The following CASK variants were observed in gnomAD, a reference collection of about 807,000 sequenced individuals.
CASK encodes the protein peripheral plasma membrane protein CASK.
In CASK, 4 loss-of-function variants were observed where a neutral mutation model predicts 82.9. That is an observed-to-expected ratio of 0.05 (90% CI 0.02 to 0.11). CASK has a LOEUF of 0.11. Ranked by LOEUF, CASK falls within the 10% of genes least tolerant of loss-of-function variation. The pLI, the probability that CASK is intolerant of heterozygous loss-of-function variation, is 1.00. For missense variants in CASK, 358 were observed against 720.9 expected, an observed-to-expected ratio of 0.50 and a Z score of 5.76; for synonymous variants, 259 against 253.5, an observed-to-expected ratio of 1.02 and a Z score of -0.20.
intron 4 of CASK, among the ~76,000 whole-genome samples, chrX:41,742,353 C>G (rs899027191): frequency 2.7e-5 from 3 of 111,708 alleles, no homozygotes; most frequent in African/African-American, 9.8e-5. Flanking sequence ...CTTCCCTTCT[C>G]TGCTTCACTT....
intron 1 of CASK, among the ~76,000 whole-genome samples, chrX:41,893,578 G>A (rs1325956969): frequency 1.8e-5 from 2 of 111,574 alleles, no homozygotes; most frequent in African/African-American, 6.5e-5. Context: ...GGCTGACTGT[G>A]AGGCCCTACA....
At chrX:41,639,656 A>G (rs780521700) in intron 8 of CASK, among the ~76,000 whole-genome samples, 2 of 111,688 alleles carry the variant, frequency 1.8e-5, no homozygotes, top group East Asian at 2.8e-4. Flanking sequence ...AAGTTTTGAC[A>G]TATATTTACA....
At chrX:41,797,538 A>C (rs991940368) in intron 2 of CASK, among the ~76,000 whole-genome samples, 1 of 111,448 alleles carries the variant, frequency 9.0e-6, no homozygotes, top group African/African-American at 3.3e-5. Context: ...GGACCCATTT[A>C]CCCAACTTAG....
At chrX:41,748,059 T>A (rs2068722824) in intron 3 of CASK, among the ~76,000 whole-genome samples, 1 of 112,183 alleles carries the variant, frequency 8.9e-6, no homozygotes, top group South Asian at 3.7e-4. Flanking sequence ...GAATCAGTTT[T>A]GCTTAGGCGT....
chrX:41,754,767 TAAC>T (rs1350905117), intron 3 of CASK, among the ~76,000 whole-genome samples: 2 of 110,515 alleles, frequency 1.8e-5, no homozygotes. Flanking sequence ...TCACCAAAAT[TAAC>T]AAAAAGAATT....
In CASK at chrX:41,692,755, G is replaced by A. The variant is rs183074711; in HGVS notation, c.430-21225C>T. On this transcript the variant is annotated intron_variant, in intron 5 of 26. Coordinates refer to ENST00000378163, the MANE Select transcript of CASK (RefSeq NM_001367721.1). ...ATTCCAGGTGAGACCCTACCAGCCT[G>A]GGACAGAAGCAGCATAGTAGTAACA... Among the ~76,000 whole-genome samples, 142 of 112,014 alleles carry A rather than the reference G, an allele frequency of 1.3e-3. 2 individuals carry two copies. The highest frequency in any genetic ancestry group is 4.5e-3 in the African/African-American group (138 of 30,794).
chrX:41,642,193 C>G (rs189547674), intron 8 of CASK, among the ~76,000 whole-genome samples: 12,560 of 110,827 alleles, frequency 0.11, 685 homozygotes, highest in Middle Eastern at 0.18. Context: ...GTGAATAGTG[C>G]TGTAATAAAC....
chrX:41,679,413 C>G (rs753638292), intron 5 of CASK, among the ~76,000 whole-genome samples: 12 of 112,149 alleles, frequency 1.1e-4, no homozygotes, highest in African/African-American at 3.9e-4. Flanking sequence ...TCAGCATGTT[C>G]TGAGATTCAT....
intron 1 of CASK, among the ~76,000 whole-genome samples, chrX:41,898,028 G>A (rs779151988): frequency 8.9e-6 from 1 of 111,820 alleles, no homozygotes; most frequent in Non-Finnish European, 1.9e-5. Flanking sequence ...TTTTTTGGAA[G>A]AGTTTAAAAT....
chrX:41,791,280 T>C (rs1013170095), intron 2 of CASK, among the ~76,000 whole-genome samples: 3 of 110,574 alleles, frequency 2.7e-5, no homozygotes, highest in Admixed American at 9.7e-5. Flanking sequence ...GTACCCAATG[T>C]GTAGTCTTTA....
intron 1 of CASK, among the ~76,000 whole-genome samples, chrX:41,920,418 C>G (rs1337141884): frequency 3.6e-5 from 4 of 112,050 alleles, no homozygotes; most frequent in African/African-American, 1.3e-4. Flanking sequence ...TCAACCTTTA[C>G]TCAGATTGAG....
intron 1 of CASK, among the ~76,000 whole-genome samples, chrX:41,858,910 G>A (rs2071423033): frequency 9.0e-6 from 1 of 110,910 alleles, no homozygotes; most frequent in African/African-American, 3.3e-5. Flanking sequence ...GGAGCACAAA[G>A]GGCTTTTGAA....
At position 41,517,820 on chromosome X, in the gene CASK, GCAA is replaced by G. The variant is rs2064581685; in HGVS notation, c.*2597_*2599del. 1.2e-5 allele frequency: 9 copies of G among 762,515 alleles called. No individual in the cohort carries two copies. The South Asian group carries it at 2.1e-4, about 17-fold the overall frequency. The allele number at this position is 762,515 out of a possible 1,213,427, so 62.8% of individuals were successfully genotyped here. ...AGCAGCAGCAGCAGCAGCAGCAGCA[GCAA>G]TGTACTGAAATTACTCTGAATTCAG... On this transcript the variant is annotated 3_prime_UTR_variant, in exon 27 of 27. Transcript: ENST00000378163.
chrX:41,835,421 A>C (rs1335807399), intron 2 of CASK, among the ~76,000 whole-genome samples: 1 of 111,664 alleles, frequency 9.0e-6, no homozygotes, highest in Non-Finnish European at 1.9e-5. Context: ...TGAGTAGAGA[A>C]ACTCATCTCA....
At chrX:41,600,065 T>C (rs1431895168) in intron 12 of CASK, among the ~76,000 whole-genome samples, 1 of 112,104 alleles carries the variant, frequency 8.9e-6, no homozygotes, top group Non-Finnish European at 1.9e-5. Context: ...AGTTAAATGA[T>C]ATTTACATTA....
At chrX:41,707,742 G>A (rs2067908124) in intron 5 of CASK, among the ~76,000 whole-genome samples, 1 of 111,410 alleles carries the variant, frequency 9.0e-6, no homozygotes, top group Non-Finnish European at 1.9e-5. Context: ...AACCAATGAA[G>A]GGCAGGGAGT....
chrX:41,553,781 A>T lies in CASK; in HGVS notation c.1977T>A (p.Gly659=). The change falls in exon 21 of 27, where the codon GGT becomes GGA. Residue 659 remains glycine, a synonymous_variant. Transcript: ENST00000378163. ...ISKDDHNWWQ[G]KLENSKNGTA... is the part of the protein sequence containing the mutation. ...TTCCATTTTTGGAGTTTTCCAGTTT[A>T]CCCTGCCACCAATTATGATCATCCT... 2 of 1,205,370 alleles carry T rather than the reference A, an allele frequency of 1.7e-6. No individual in the cohort carries two copies. The highest frequency in any genetic ancestry group is 1.8e-5 in the South Asian group (1 of 56,771).
intron 21 of CASK, among the ~76,000 whole-genome samples, chrX:41,548,291 C>CT (rs954916140): frequency 1.4e-4 from 16 of 111,061 alleles, no homozygotes; most frequent in African/African-American, 5.2e-4. Context: ...AATATATTAT[C>CT]TTTTTAATAT....
chrX:41,619,558 G>A (rs1318616960), intron 11 of CASK, among the ~76,000 whole-genome samples: 1 of 111,857 alleles, frequency 8.9e-6, no homozygotes, highest in Non-Finnish European at 1.9e-5. Context: ...TATGTCAACT[G>A]TTTAAAAAAT....
Sources: allele counts gnomAD v4.1 joint callset (sites outside exome capture counted in the v4.1 genomes callset), GRCh38; gene constraint gnomAD v4.1.1; transcripts MANE v1.5; gene names NCBI Gene and HGNC (gene_info 2026-07-23, HGNC 2026-07-21).